ZC3HAV1: variants seen among roughly 807,000 people sequenced by gnomAD.
ZC3HAV1 encodes the protein zinc finger CCCH-type containing, antiviral 1, also known as zinc finger CCCH-type antiviral protein 1.
In ZC3HAV1, 41 loss-of-function variants were observed where a neutral mutation model predicts 86.6. The observed-to-expected ratio is 0.47, with a 90% CI of 0.37 to 0.61. The LOEUF is 0.61. ZC3HAV1 is among the 20% of genes least tolerant of loss of function. The pLI is 0.00. For synonymous variants in ZC3HAV1, 421 were observed against 432.1 expected (o/e 0.97, Z 0.32); for missense variants, 964 against 1,141.1 (o/e 0.84, Z 2.24).
At chr7:139,107,424 C>A (rs755736698) in intron 1 of ZC3HAV1, among the ~76,000 whole-genome samples, 3 of 152,218 alleles carry the variant, frequency 2.0e-5, no homozygotes, top group African/African-American at 7.2e-5. Context: ...TCTACCTCAT[C>A]CATCTAAAAC....
chr7:139,108,228 C>T lies in ZC3HAV1; in HGVS notation c.308+796G>A, dbSNP rs1352640530. ...GGGAGAAACTGGGAAGAAAATCACT[C>T]AAGAGTCTTAACCCAAACCTTGCAG... On this transcript the variant is annotated intron_variant, in intron 1 of 12. Transcript: ENST00000242351. This position sits in a 1 kb window ranked among gnomAD's most constrained non-coding sequence, Gnocchi z 4.2. 1.3e-5 allele frequency among the ~76,000 whole-genome samples: 2 copies of T among 150,830 alleles called. No individual in the cohort carries two copies. Among genetic ancestry groups the T allele is most frequent in the African/African-American group, 4.9e-5 (2 of 40,968 alleles).
chr7:139,107,352 C>T (rs1205801809), intron 1 of ZC3HAV1, among the ~76,000 whole-genome samples: 1 of 152,192 alleles, frequency 6.6e-6, no homozygotes. Context: ...TTTTTAAAAA[C>T]GTTAGAGTGA....
chr7:139,057,082 C>T (rs1232310061), intron 9 of ZC3HAV1, among the ~76,000 whole-genome samples: 1 of 148,486 alleles, frequency 6.7e-6, no homozygotes, highest in Non-Finnish European at 1.5e-5. Flanking sequence ...GGTGTGGTGG[C>T]TCATCCCTAT....
intron 7 of ZC3HAV1, among the ~76,000 whole-genome samples, chr7:139,066,659 C>T (rs531905027): frequency 3.3e-4 from 50 of 152,244 alleles, no homozygotes; most frequent in Non-Finnish European, 5.4e-4. Context: ...CAATGGTGCC[C>T]GGTAAACCCT....
intron 1 of ZC3HAV1, among the ~76,000 whole-genome samples, chr7:139,105,847 G>A (rs376720579): frequency 1.8e-4 from 27 of 151,978 alleles, no homozygotes; most frequent in East Asian, 5.8e-4. Context: ...TTTATTACTC[G>A]CTAAGAGGAG....
At chr7:139,055,464 A>G (rs961640692) in intron 9 of ZC3HAV1, among the ~76,000 whole-genome samples, 169 bp from the exon 10 acceptor site, 3 of 152,256 alleles carry the variant, frequency 2.0e-5, no homozygotes, top group Non-Finnish European at 2.9e-5. Context: ...TAGATGTACC[A>G]GTAATCATGT....
intron 9 of ZC3HAV1, chr7:139,060,550 C>A (rs1243439663): frequency 6.0e-6 from 6 of 998,280 alleles, no homozygotes; most frequent in South Asian, 4.3e-5. Flanking sequence ...CCAAAAGAAT[C>A]CACAGCAAAG....
rs1335875498 is a variant in ZC3HAV1 at position 139,044,643 on chromosome 7, G to A, written c.*2951C>T. 3 of 152,450 alleles carry A rather than the reference G, an allele frequency of 2.0e-5. No homozygotes were observed. Among genetic ancestry groups the A allele is most frequent in the Non-Finnish European group, 4.4e-5 (3 of 68,022 alleles). 9.4% of individuals were successfully genotyped at this position (152,450 alleles called of 1,614,324 possible). On this transcript the variant is annotated 3_prime_UTR_variant, in exon 13 of 13. Transcript: ENST00000242351. ...GTCACCGTGACTGGGCGTGGGGGTG[G>A]GGGCGCTACTAGCATTTAGTATGTG...
chr7:139,100,583 T>C (rs1817723445), intron 1 of ZC3HAV1, among the ~76,000 whole-genome samples: 2 of 152,092 alleles, frequency 1.3e-5, no homozygotes, highest in Non-Finnish European at 2.9e-5. Flanking sequence ...ACCACAGTGA[T>C]ACAATTTCAC....
chr7:139,081,097 AAGGAGTT>A (rs1269653489), intron 3 of ZC3HAV1, among the ~76,000 whole-genome samples: 1 of 152,118 alleles, frequency 6.6e-6, no homozygotes, highest in African/African-American at 2.4e-5. Flanking sequence ...GGGAGGAAGG[AAGGAGTT>A]AGGGTGTGTT....
At chr7:139,059,759 A>G (rs1816391862) in intron 9 of ZC3HAV1, among the ~76,000 whole-genome samples, 1 of 152,198 alleles carries the variant, frequency 6.6e-6, no homozygotes, top group Non-Finnish European at 1.5e-5. Context: ...GCAGGTTGGA[A>G]TTATGAATTA....
At chr7:139,087,908 T>G (rs894605695) in intron 2 of ZC3HAV1, among the ~76,000 whole-genome samples, 14 of 151,634 alleles carry the variant, frequency 9.2e-5, no homozygotes, top group African/African-American at 2.9e-4. Context: ...GGTGCATGCC[T>G]GTAGTCCCAG....
rs550363998 is a variant in ZC3HAV1 at position 139,087,032 on chromosome 7, C to T, written c.444+2592G>A. 2.0e-5 allele frequency among the ~76,000 whole-genome samples: 3 copies of T among 152,288 alleles called. No individual in the cohort carries two copies. In the South Asian group the frequency reaches 6.2e-4, roughly 32 times the overall value. ...CCAGGAACTCAACGTAGATGTGTGG[C>T]CCGATGTTAAAAGTACCTGTTACTT... On this transcript the variant is annotated intron_variant, in intron 2 of 12. Coordinates refer to ENST00000242351, the MANE Select transcript of ZC3HAV1 (RefSeq NM_020119.4).
chr7:139,079,243 G>A (rs765565298), intron 4 of ZC3HAV1: 1 of 1,536,720 alleles, frequency 6.5e-7, no homozygotes, highest in South Asian at 1.2e-5. Context: ...GCAGAGTGCT[G>A]ACTTGTGCAG....
At chr7:139,079,263 A>C in intron 4 of ZC3HAV1, 1 of 1,536,868 alleles carries the variant, frequency 6.5e-7, no homozygotes, top group Non-Finnish European at 8.7e-7. Flanking sequence ...GGGGCAGTGG[A>C]TTCCCCAGGT....
intron 7 of ZC3HAV1, among the ~76,000 whole-genome samples, chr7:139,069,574 A>T (rs1816708837): frequency 6.6e-6 from 1 of 152,150 alleles, no homozygotes; most frequent in Admixed American, 6.6e-5. Context: ...CAGCCCTGCT[A>T]TCACTCTACC....
At chr7:139,098,026 C>T (rs1244587064) in intron 1 of ZC3HAV1, among the ~76,000 whole-genome samples, 1 of 151,700 alleles carries the variant, frequency 6.6e-6, no homozygotes, top group Non-Finnish European at 1.5e-5. Context: ...CTTACTGCAA[C>T]CTCCACATCC....
chr7:139,084,501 A>G (rs1817222265), intron 2 of ZC3HAV1, among the ~76,000 whole-genome samples: 1 of 152,244 alleles, frequency 6.6e-6, no homozygotes, highest in African/African-American at 2.4e-5. Context: ...CCATCTAAAT[A>G]GATACATGTA....
intron 12 of ZC3HAV1, chr7:139,049,466 G>C (rs1012876228): frequency 6.6e-6 from 1 of 152,194 alleles, no homozygotes; most frequent in Admixed American, 6.6e-5. Flanking sequence ...TTATTCCCGT[G>C]CTGTAAGTTT....
Sources: allele counts gnomAD v4.1 joint callset (sites outside exome capture counted in the v4.1 genomes callset), GRCh38; gene constraint gnomAD v4.1.1; non-coding constraint Gnocchi (gnomAD v3.1); transcripts MANE v1.5; gene names NCBI Gene and HGNC (gene_info 2026-07-23, HGNC 2026-07-21).